Variants in KCNT2 observed in about 807,000 individuals in gnomAD.
KCNT2 encodes the protein potassium sodium-activated channel subfamily T member 2.
A neutral mutation model predicts 153.8 loss-of-function variants in KCNT2; 67 were observed. The ratio of observed to expected loss-of-function variants is 0.44; its 90% CI spans 0.36 to 0.53. The LOEUF is 0.53. KCNT2 is among the 20% of genes least tolerant of loss of function. The pLI is 0.00. For missense variants in KCNT2, 975 were observed against 1,354.8 expected, an observed-to-expected ratio of 0.72 and a Z score of 4.40; for synonymous variants, 500 against 458.8, an observed-to-expected ratio of 1.09 and a Z score of -1.15.
chr1:196,294,450 AT>A (rs1660495470), intron 22 of KCNT2, among the ~76,000 whole-genome samples: 1 of 151,842 alleles, frequency 6.6e-6, no homozygotes, highest in Non-Finnish European at 1.5e-5. Flanking sequence ...TAATTTTTGT[AT>A]TTTTAGTAGA....
chr1:196,432,505 C>T (rs544989190), intron 8 of KCNT2, among the ~76,000 whole-genome samples: 52 of 152,234 alleles, frequency 3.4e-4, no homozygotes, highest in African/African-American at 1.1e-3. Context: ...GCCGACTCCT[C>T]CCCAGTGTGA....
chr1:196,441,713 G>C (rs1434392709), intron 8 of KCNT2, among the ~76,000 whole-genome samples: 2 of 151,766 alleles, frequency 1.3e-5, no homozygotes, highest in Non-Finnish European at 2.9e-5. Context: ...GACTCAGCCT[G>C]TGGGTTATTA....
intron 8 of KCNT2, among the ~76,000 whole-genome samples, chr1:196,433,823 G>A (rs1640854917): frequency 6.6e-6 from 1 of 151,654 alleles, no homozygotes; most frequent in Admixed American, 6.6e-5. Flanking sequence ...TATATATATT[G>A]GTACAGTCAA....
intron 14 of KCNT2, among the ~76,000 whole-genome samples, chr1:196,359,251 A>G (rs920318159): frequency 6.6e-6 from 1 of 151,974 alleles, no homozygotes; most frequent in Non-Finnish European, 1.5e-5. Context: ...TTGTCTTACT[A>G]TATCACCCTT....
At chr1:196,287,023 T>C (rs921386768) in intron 22 of KCNT2, among the ~76,000 whole-genome samples, 1 of 151,944 alleles carries the variant, frequency 6.6e-6, no homozygotes, top group Non-Finnish European at 1.5e-5. Flanking sequence ...TGGGTTCTCG[T>C]GGAAGGGAAG....
chr1:196,297,675 A>G (rs772551275), intron 22 of KCNT2, among the ~76,000 whole-genome samples: 2 of 152,220 alleles, frequency 1.3e-5, no homozygotes, highest in Non-Finnish European at 2.9e-5. Context: ...ATATAGAGAC[A>G]AGGTAAATAT....
intron 1 of KCNT2, among the ~76,000 whole-genome samples, chr1:196,561,448 A>G (rs1659370431): frequency 6.6e-6 from 1 of 151,392 alleles, no homozygotes; most frequent in Non-Finnish European, 1.5e-5. Flanking sequence ...TATAAGATCA[A>G]TAGGATCTGG....
intron 19 of KCNT2, among the ~76,000 whole-genome samples, chr1:196,325,001 C>A (rs1367652905): frequency 6.6e-6 from 1 of 152,056 alleles, no homozygotes; most frequent in African/African-American, 2.4e-5. Context: ...CACTTCTTAG[C>A]TCCTGTCACC....
chr1:196,284,060 G>A (rs1386314942), intron 23 of KCNT2, among the ~76,000 whole-genome samples: 2 of 149,196 alleles, frequency 1.3e-5, no homozygotes, highest in Non-Finnish European at 1.5e-5. Flanking sequence ...GTGAAACCTC[G>A]TCTGTATTAA....
intron 14 of KCNT2, among the ~76,000 whole-genome samples, chr1:196,349,338 A>C (rs1212091590): frequency 6.6e-6 from 1 of 152,098 alleles, no homozygotes; most frequent in East Asian, 1.9e-4. Flanking sequence ...ATCACATTGG[A>C]GCTCCATTTA....
intron 27 of KCNT2, among the ~76,000 whole-genome samples, chr1:196,232,116 A>G (rs1158450631): frequency 6.6e-6 from 1 of 151,812 alleles, no homozygotes; most frequent in Non-Finnish European, 1.5e-5. Flanking sequence ...TTGACCAAAT[A>G]AAAGTTGAGA....
chr1:196,508,565 G>A (rs1016888674), intron 1 of KCNT2, among the ~76,000 whole-genome samples: 1 of 152,064 alleles, frequency 6.6e-6, no homozygotes, highest in Non-Finnish European at 1.5e-5. Flanking sequence ...ATCTGGTAAA[G>A]ATTTAAAATT....
At chr1:196,369,839 C>G (rs952502728) in intron 14 of KCNT2, among the ~76,000 whole-genome samples, 1 of 151,916 alleles carries the variant, frequency 6.6e-6, no homozygotes, top group Admixed American at 6.6e-5. Context: ...GGGTATATAC[C>G]CAGTAATGGG....
At chr1:196,273,934 AG>A (rs2147840920) in intron 25 of KCNT2, among the ~76,000 whole-genome samples, 1 of 151,828 alleles carries the variant, frequency 6.6e-6, no homozygotes, top group East Asian at 1.9e-4. Flanking sequence ...TGGTGCTTGT[AG>A]AAGAAAATAA....
intron 25 of KCNT2, among the ~76,000 whole-genome samples, chr1:196,280,386 T>G (rs970527782): frequency 6.6e-6 from 1 of 152,178 alleles, no homozygotes; most frequent in Non-Finnish European, 1.5e-5. Context: ...TCTTTTGGCT[T>G]TAGAGTGGTC....
intron 23 of KCNT2, among the ~76,000 whole-genome samples, chr1:196,284,852 T>G (rs1659510655): frequency 6.6e-6 from 1 of 152,178 alleles, no homozygotes; most frequent in Non-Finnish European, 1.5e-5. Context: ...TGGATTAGTT[T>G]GTTCAGTCAA....
intron 14 of KCNT2, among the ~76,000 whole-genome samples, chr1:196,355,833 G>A (rs1414464301): frequency 6.6e-6 from 1 of 151,676 alleles, no homozygotes. Flanking sequence ...ATTTTCAACT[G>A]TTCTACTTCA....
chr1:196,392,166 T>A (rs1272855754), intron 13 of KCNT2, among the ~76,000 whole-genome samples: 1 of 151,396 alleles, frequency 6.6e-6, no homozygotes, highest in Non-Finnish European at 1.5e-5. Flanking sequence ...TTGCAGTTTT[T>A]GAATGTAGAT....
chr1:196,598,966 T>C (rs1664405449), intron 1 of KCNT2, among the ~76,000 whole-genome samples: 1 of 152,222 alleles, frequency 6.6e-6, no homozygotes, highest in Admixed American at 6.5e-5. Flanking sequence ...ATGGATGAAA[T>C]AGCACATAAA....
Sources: allele counts gnomAD v4.1 joint callset (sites outside exome capture counted in the v4.1 genomes callset), GRCh38; gene constraint gnomAD v4.1.1; transcripts MANE v1.5; gene names NCBI Gene and HGNC (gene_info 2026-07-23, HGNC 2026-07-21).